FCRL4: variants seen among roughly 807,000 people sequenced by gnomAD.
FCRL4 encodes the protein Fc receptor-like protein 4.
In FCRL4, 43 loss-of-function variants were observed where a neutral mutation model predicts 64.1. The observed-to-expected ratio is 0.67, with a 90% CI of 0.53 to 0.87. FCRL4 has a LOEUF of 0.87. Ranked by LOEUF, FCRL4 falls within the 40% of genes least tolerant of loss-of-function variation. FCRL4 has a pLI of 0.00. For synonymous variants in FCRL4, 253 were observed against 239.8 expected, an observed-to-expected ratio of 1.05 and a Z score of -0.51; for missense variants, 656 against 613.5, an observed-to-expected ratio of 1.07 and a Z score of -0.73.
intron 4 of FCRL4, 126 bp downstream of exon 4, chr1:157,587,739 C>T: frequency 8.7e-7 from 1 of 1,146,240 alleles, no homozygotes; most frequent in Non-Finnish European, 1.2e-6. Flanking sequence ...CTTTCTCTGC[C>T]TCTTAGAGGA....
At chr1:157,577,750 T>C (rs1652447001) in intron 10 of FCRL4, among the ~76,000 whole-genome samples, 1 of 152,194 alleles carries the variant, frequency 6.6e-6, no homozygotes, top group Non-Finnish European at 1.5e-5. Context: ...TGAATACTGA[T>C]AGGCATATTT....
intron 6 of FCRL4, among the ~76,000 whole-genome samples, chr1:157,585,955 A>G (rs1216870192): frequency 6.6e-6 from 1 of 152,216 alleles, no homozygotes; most frequent in Non-Finnish European, 1.5e-5. Flanking sequence ...TCCAAAAAGC[A>G]AAATGGCTCC....
At chr1:157,580,253 T>A in intron 8 of FCRL4, 68 bp downstream of exon 8, 1 of 1,548,210 alleles carries the variant, frequency 6.5e-7, no homozygotes, top group Non-Finnish European at 8.9e-7. Context: ...CCTAATTTCA[T>A]AACCCCACAG....
At chr1:157,597,830 T>C (rs1557794788) in intron 1 of FCRL4, 84 bp downstream of exon 1, 2 of 1,074,658 alleles carry the variant, frequency 1.9e-6, no homozygotes, top group Non-Finnish European at 2.8e-6. Context: ...TAAAAATCCA[T>C]GATTGCAGCA....
At chr1:157,591,948 A>G (rs1652848113) in intron 2 of FCRL4, among the ~76,000 whole-genome samples, 1 of 152,176 alleles carries the variant, frequency 6.6e-6, no homozygotes, top group African/African-American at 2.4e-5. Context: ...CCACACATCT[A>G]CAACCATCTG....
chr1:157,575,375 AT>A lies in FCRL4; in HGVS notation c.*148del. ...CCAACATCAGAGTAGACGAATGAGT[AT>A]TCCTGGGAGTGAATGCATATGCATG... is the stretch of plus-strand genomic sequence containing the variant. On this transcript the variant is annotated 3_prime_UTR_variant, in exon 12 of 12. Transcript: ENST00000271532. The A allele has an allele frequency of 3.1e-6, 2 of 643,700 alleles. No individual in the cohort carries two copies. The highest frequency in any genetic ancestry group is 2.7e-5 in the East Asian group (1 of 36,680). 39.9% of individuals were successfully genotyped at this position (643,700 alleles called of 1,614,324 possible).
At chr1:157,587,804 A>G in intron 4 of FCRL4, 61 bp downstream of exon 4, 1 of 1,485,218 alleles carries the variant, frequency 6.7e-7, no homozygotes, top group East Asian at 2.3e-5. Flanking sequence ...TTCTTTCCTT[A>G]CATGCTCAGT....
At chr1:157,591,804 T>C (rs2101686557) in intron 2 of FCRL4, among the ~76,000 whole-genome samples, 1 of 152,308 alleles carries the variant, frequency 6.6e-6, no homozygotes, top group African/African-American at 2.4e-5. Context: ...CTCTTCCTCT[T>C]TCAGAATTTC....
At chr1:157,595,443 G>A (rs1159465699) in intron 2 of FCRL4, among the ~76,000 whole-genome samples, 1 of 152,232 alleles carries the variant, frequency 6.6e-6, no homozygotes, top group Non-Finnish European at 1.5e-5. Flanking sequence ...TGAGGAAGCT[G>A]CCCCTGCTAT....
intron 2 of FCRL4, 119 bp downstream of exon 2, chr1:157,596,209 C>T (rs1170636877): frequency 8.9e-7 from 1 of 1,128,860 alleles, no homozygotes; most frequent in Non-Finnish European, 1.3e-6. Flanking sequence ...GTCTCTACAT[C>T]CCTGCAGCAC....
rs78489028 is a variant in FCRL4 at position 157,575,880 on chromosome 1, T to C, written c.1430-150A>G. The C allele has an allele frequency of 2.5e-5, 19 of 757,062 alleles. No homozygotes were observed. In the African/African-American group the frequency reaches 2.8e-4, roughly 11 times the overall value. 46.9% of individuals were successfully genotyped at this position (757,062 alleles called of 1,614,324 possible). ...CCCCTAACATGTCCTGCAATACATA[T>C]GACTTTCTGTTCTACCATTTCTTAA... is the stretch of plus-strand genomic sequence containing the variant. On this transcript the variant is annotated intron_variant, in intron 10 of 11. Coordinates refer to ENST00000271532, the MANE Select transcript of FCRL4 (RefSeq NM_031282.3).
In FCRL4 at chr1:157,581,659, C is replaced by T. The variant is rs778793346; in HGVS notation, c.1136-15G>A. On this transcript the variant is annotated splice_polypyrimidine_tract_variant and intron_variant, in intron 6 of 11. Coordinates refer to ENST00000271532, the MANE Select transcript of FCRL4 (RefSeq NM_031282.3). Reference sequence around the variant, plus strand: ...GCCTGGGGTCTCTAAGGGGAAAGGACCTGTGTGAATCTCAGTGGAGAGGTT... The same window carrying T: ...GCCTGGGGTCTCTAAGGGGAAAGGATCTGTGTGAATCTCAGTGGAGAGGTT... 1 of 1,603,478 alleles carries T rather than the reference C, an allele frequency of 6.2e-7. No homozygotes were observed. Among genetic ancestry groups the T allele is most frequent in the South Asian group, 1.1e-5 (1 of 90,626 alleles).
rs140418584 is a variant in FCRL4 at position 157,587,511 on chromosome 1, C to T, written c.612G>A (p.Glu204=). 177 of 1,614,156 alleles carry T rather than the reference C, an allele frequency of 1.1e-4. No homozygotes were observed. Among genetic ancestry groups the T allele is most frequent in the Admixed American group, 9.3e-4 (56 of 60,030 alleles). ...ELKATDSQPT[E]GNSVNLSCET... ...CACAGCTCAGGTTTACAGAATTCCC[C>T]TCTGTAGGCTGAGAGTCTGTAGCTT... Residue 204 remains glutamate (E), a synonymous_variant, in exon 5 of 12, where the codon GAG becomes GAA. Transcript: ENST00000271532.
At chr1:157,588,726 C>G (rs1571142635) in intron 3 of FCRL4, among the ~76,000 whole-genome samples, 1 of 152,332 alleles carries the variant, frequency 6.6e-6, no homozygotes, top group Admixed American at 6.5e-5. Context: ...TCAGGTAAAA[C>G]TGGACAGGAG....
intron 6 of FCRL4, among the ~76,000 whole-genome samples, chr1:157,584,258 G>A (rs938118760): frequency 6.6e-6 from 1 of 152,090 alleles, no homozygotes; most frequent in Non-Finnish European, 1.5e-5. Flanking sequence ...TTGGCAGCTT[G>A]CAGTTTTGCT....
In FCRL4 at chr1:157,585,609, C is replaced by T. The variant is rs572503896; in HGVS notation, c.1135+559G>A. Among the ~76,000 whole-genome samples the T allele has an allele frequency of 1.9e-4, 29 of 152,134 alleles. No individual in the cohort carries two copies. In the South Asian group the frequency reaches 3.5e-3, roughly 19 times the overall value. On this transcript the variant is annotated intron_variant, in intron 6 of 11. Coordinates refer to ENST00000271532, the MANE Select transcript of FCRL4 (RefSeq NM_031282.3). The stretch of plus-strand genomic sequence containing the variant: ...TGATATCCCAAAGTAAGGCTTCTCT[C>T]CTCAATGGACAAAAGTGGGCTCTGT...
intron 2 of FCRL4, among the ~76,000 whole-genome samples, chr1:157,593,878 C>T (rs192463146): frequency 2.0e-5 from 3 of 152,292 alleles, no homozygotes; most frequent in East Asian, 1.9e-4. Context: ...CTATTAGAAA[C>T]ATTCACTCAA....
chr1:157,586,513 A>G, intron 5 of FCRL4, 58 bp from the exon 6 acceptor site: 3 of 1,511,650 alleles, frequency 2.0e-6, no homozygotes, highest in Admixed American at 2.0e-5. Context: ...AGGGCTAGGT[A>G]GCTGGGGTGT....
chr1:157,574,385 C>T lies in FCRL4; in HGVS notation c.*1139G>A. 4.7e-6 allele frequency: 1 copy of T among 211,860 alleles called. No homozygotes were observed. The highest frequency in any genetic ancestry group is 2.3e-5 in the African/African-American group (1 of 44,306). The allele number at this position is 211,860 out of a possible 1,614,324, so 13.1% of individuals were successfully genotyped here. The stretch of plus-strand genomic sequence containing the variant: ...AAGACTTGAATGGATTCAGTTTTAA[C>T]ACTTGGGGCATGGATAATTTGTAGG... On this transcript the variant is annotated 3_prime_UTR_variant, in exon 12 of 12. Coordinates refer to ENST00000271532, the MANE Select transcript of FCRL4 (RefSeq NM_031282.3).
Sources: gnomAD v4.1 joint callset for allele counts (sites outside exome capture counted in the v4.1 genomes callset) on GRCh38, gnomAD v4.1.1 for gene constraint, MANE v1.5 for transcripts, NCBI Gene and HGNC (gene_info 2026-07-23, HGNC 2026-07-21) for gene names.